PHEX: variants seen among roughly 807,000 people sequenced by gnomAD.
PHEX encodes phosphate-regulating neutral endopeptidase PHEX.
PHEX carries 16 observed loss-of-function variants against 68.0 expected under a neutral mutation model. The ratio of observed to expected loss-of-function variants is 0.24; its 90% CI spans 0.16 to 0.36. The LOEUF is 0.36. Among genes scored for constraint, PHEX ranks in the 10% least tolerant of loss-of-function variants. The pLI is 1.00. For missense variants in PHEX, 480 were observed against 575.5 expected (o/e 0.83, Z 1.70); for synonymous variants, 208 against 205.1 (o/e 1.01, Z -0.12).
At chrX:22,106,869 G>A (rs1930722693) in intron 9 of PHEX, among the ~76,000 whole-genome samples, 2 of 110,519 alleles carry the variant, frequency 1.8e-5, no homozygotes, top group Middle Eastern at 4.8e-3. Context: ...AGACACACCT[G>A]GGTCTGGTCC....
chrX:22,082,670 C>A (rs184093786), intron 5 of PHEX, among the ~76,000 whole-genome samples: 1 of 112,170 alleles, frequency 8.9e-6, no homozygotes, highest in African/African-American at 3.2e-5. Context: ...TCTGTTTATT[C>A]TGTTGATAGC....
At chrX:22,211,698 C>G (rs145871808) in intron 15 of PHEX, among the ~76,000 whole-genome samples, 241 of 112,346 alleles carry the variant, frequency 2.1e-3, no homozygotes, top group East Asian at 0.02. Context: ...TTGTATAAGT[C>G]TGTTCTCACA....
At chrX:22,119,477 A>C (rs1456229797) in intron 11 of PHEX, among the ~76,000 whole-genome samples, 2 of 111,691 alleles carry the variant, frequency 1.8e-5, no homozygotes, top group Non-Finnish European at 3.8e-5. Context: ...CCATATGCTC[A>C]TGACCTAAAT....
rs1401487135 is a variant in PHEX, at chrX:22,198,180, TATTAA to T, written c.1645+7683_1645+7687del. The stretch of plus-strand genomic sequence containing the variant: ...TATCAATATGTAATATATAAGTATA[TATTAA>T]ATTATATATACTTATATATATGTTA... On this transcript the variant is annotated intron_variant, in intron 15 of 21. Coordinates refer to ENST00000379374, the MANE Select transcript of PHEX (RefSeq NM_000444.6). Among the ~76,000 whole-genome samples the T allele has an allele frequency of 3.8e-5, 4 of 104,526 alleles. 1 individual carries two copies. In the East Asian group the frequency reaches 1.1e-3, roughly 30 times the overall value. The allele number at this position is 104,526 out of a possible 115,157, so 90.8% of individuals were successfully genotyped here.
At chrX:22,122,756 A>G (rs1361003424) in intron 11 of PHEX, among the ~76,000 whole-genome samples, 1 of 110,909 alleles carries the variant, frequency 9.0e-6, no homozygotes, top group African/African-American at 3.3e-5. Flanking sequence ...TGGCTTTGGC[A>G]GAGGTGATTG....
chrX:22,209,512 T>A (rs904442685), intron 15 of PHEX, among the ~76,000 whole-genome samples: 3 of 110,415 alleles, frequency 2.7e-5, no homozygotes, highest in Non-Finnish European at 5.7e-5. Context: ...TTTTTTTTTT[T>A]AATGGCATTT....
chrX:22,184,304 C>A (rs1013237591), intron 14 of PHEX, among the ~76,000 whole-genome samples: 1 of 109,917 alleles, frequency 9.1e-6, no homozygotes, highest in Non-Finnish European at 1.9e-5. Context: ...AGACTTTTAG[C>A]CTCATGATAC....
intron 20 of PHEX, among the ~76,000 whole-genome samples, chrX:22,231,292 A>G (rs1029630334): frequency 1.1e-4 from 12 of 111,698 alleles, no homozygotes; most frequent in Non-Finnish European, 1.9e-4. Context: ...TCATAAAATG[A>G]GTTAGGGAGG....
intron 9 of PHEX, among the ~76,000 whole-genome samples, chrX:22,101,894 A>G (rs1396727641): frequency 9.0e-6 from 1 of 111,495 alleles, no homozygotes; most frequent in Non-Finnish European, 1.9e-5. Flanking sequence ...TCAATGGCAA[A>G]TACTTCCCTG....
At chrX:22,146,151 A>T (rs1470444948) in intron 12 of PHEX, among the ~76,000 whole-genome samples, 1 of 112,356 alleles carries the variant, frequency 8.9e-6, no homozygotes, top group East Asian at 2.8e-4. Flanking sequence ...ATTTAATCAT[A>T]AGCTGTTTTG....
At chrX:22,129,388 A>C (rs1247406526) in intron 11 of PHEX, among the ~76,000 whole-genome samples, 1 of 112,097 alleles carries the variant, frequency 8.9e-6, no homozygotes, top group Non-Finnish European at 1.9e-5. Context: ...TCTTCCTAGT[A>C]ATATGTTCAT....
chrX:22,132,874 G>GT (rs11300888), intron 11 of PHEX, among the ~76,000 whole-genome samples: 6,020 of 102,262 alleles, frequency 0.059, 173 homozygotes, highest in East Asian at 0.078. Context: ...GAAAGAAATG[G>GT]TTTTTTTTTT....
chrX:22,209,960 TAAATAA>T (rs1395272781), intron 15 of PHEX, among the ~76,000 whole-genome samples: 2 of 106,659 alleles, frequency 1.9e-5, no homozygotes, highest in African/African-American at 3.4e-5. Flanking sequence ...AAAAAATAAA[TAAATAA>T]AAATAAAAAG....
At chrX:22,132,991 A>G (rs1448703806) in intron 11 of PHEX, among the ~76,000 whole-genome samples, 3 of 110,552 alleles carry the variant, frequency 2.7e-5, no homozygotes, top group South Asian at 3.9e-4. Flanking sequence ...GGCTCAAGCA[A>G]TCCTCTCACT....
chrX:22,046,898 A>G (rs1290336959), intron 2 of PHEX, 152 bp from the exon 3 acceptor site: 3 of 505,978 alleles, frequency 5.9e-6, no homozygotes, highest in East Asian at 7.1e-5. Flanking sequence ...GTCATTTCAT[A>G]TAGTGAGGTA....
rs1936515348 is a variant in PHEX, at chrX:22,249,596, G to C, written c.*1643G>C. 1 of 103,439 alleles carries C rather than the reference G, an allele frequency of 9.7e-6. No individual in the cohort carries two copies. Among genetic ancestry groups the C allele is most frequent in the Admixed American group, 1.1e-4 (1 of 9,386 alleles). The allele number at this position is 103,439 out of a possible 1,213,427, so 8.5% of individuals were successfully genotyped here. A position where few individuals can be genotyped will look rare whatever the true frequency, so the allele number is the denominator to read the frequency against. On this transcript the variant is annotated 3_prime_UTR_variant, in exon 22 of 22. Transcript: ENST00000379374. ...GGAAACAATTATACTGCATTAGTCAGAGGAGAGCGATTTTCCCTTTGACTT... is the reference window on the plus strand; with the variant it reads ...GGAAACAATTATACTGCATTAGTCACAGGAGAGCGATTTTCCCTTTGACTT...
At position 22,250,354 on chromosome X, in the gene PHEX, A is replaced by T. The variant is rs1235138770; in HGVS notation, c.*2401A>T. On this transcript the variant is annotated 3_prime_UTR_variant, in exon 22 of 22. Coordinates refer to ENST00000379374, the MANE Select transcript of PHEX (RefSeq NM_000444.6). ...AAAGTAGGGAGAAGCTGGCCTATGG[A>T]TGTGGCTTTGAAGAGAAGACAGGAT... 1 of 112,091 alleles carries T rather than the reference A, an allele frequency of 8.9e-6. No homozygotes were observed. Among genetic ancestry groups the T allele is most frequent in the African/African-American group, 3.2e-5 (1 of 30,847 alleles). 9.2% of individuals were successfully genotyped at this position (112,091 alleles called of 1,213,427 possible).
intron 15 of PHEX, among the ~76,000 whole-genome samples, chrX:22,192,616 C>A (rs1371835551): frequency 8.9e-6 from 1 of 112,076 alleles, no homozygotes; most frequent in Non-Finnish European, 1.9e-5. Context: ...CTGACACGCT[C>A]TGCTCTGGGA....
intron 9 of PHEX, among the ~76,000 whole-genome samples, chrX:22,106,367 T>C (rs1238849115): frequency 2.7e-5 from 3 of 111,943 alleles, no homozygotes; most frequent in African/African-American, 9.7e-5. Context: ...ACCTTTGTAA[T>C]GCCTTGTCCA....
Sources: gnomAD v4.1 joint callset for allele counts (sites outside exome capture counted in the v4.1 genomes callset) on GRCh38, gnomAD v4.1.1 for gene constraint, MANE v1.5 for transcripts, NCBI Gene and HGNC (gene_info 2026-07-23, HGNC 2026-07-21) for gene names.